Variants in HDAC4 observed in about 807,000 individuals in gnomAD.
HDAC4 encodes histone deacetylase 4, also known as histone deacetylase A.
Under a neutral mutation model 135.1 loss-of-function variants are expected in HDAC4, and 16 were observed. That is an observed-to-expected ratio of 0.12 (90% confidence interval 0.08 to 0.18). The LOEUF is 0.18. Ranked by LOEUF, HDAC4 falls within the 10% of genes least tolerant of loss-of-function variation. The probability of loss-of-function intolerance (pLI) is 1.00; values close to 1 mark genes in which losing one functional copy is unlikely to be tolerated. For missense variants in HDAC4, 1,143 were observed against 1,511.8 expected (o/e 0.76, Z 4.05); for synonymous variants, 685 against 653.4 (o/e 1.05, Z -0.74).
intron 12 of HDAC4, among the ~76,000 whole-genome samples, chr2:239,125,018 C>T (rs1033415187): frequency 1.1e-4 from 16 of 150,038 alleles, no homozygotes; most frequent in Non-Finnish European, 1.9e-4. Context: ...TGTGACATTC[C>T]GGTGTGCCGG....
chr2:239,152,462 G>GA (rs2042174357), intron 7 of HDAC4, among the ~76,000 whole-genome samples: 1 of 152,256 alleles, frequency 6.6e-6, no homozygotes, highest in South Asian at 2.1e-4. Context: ...GAAGACCTCT[G>GA]AAGTGGAGAC....
chr2:239,130,170 C>A (rs2040470387), intron 11 of HDAC4, among the ~76,000 whole-genome samples: 1 of 152,210 alleles, frequency 6.6e-6, no homozygotes, highest in African/African-American at 2.4e-5. Flanking sequence ...CCCAAGGGAA[C>A]AATGTGGGTG....
At position 239,048,953 on chromosome 2, in the gene HDAC4, A is replaced by C. The variant is rs1425346749; in HGVS notation, c.*4144T>G. On this transcript the variant is annotated 3_prime_UTR_variant, in exon 27 of 27. Transcript: ENST00000543185. ...TTCTCAATCAGAATAAACCGTCACAAGGCCAGTGAGGGCGGGCGGCGCTCG... is the reference window on the plus strand; with the variant it reads ...TTCTCAATCAGAATAAACCGTCACACGGCCAGTGAGGGCGGGCGGCGCTCG... 2 of 152,246 alleles carry C rather than the reference A, an allele frequency of 1.3e-5. No homozygotes were observed. Among genetic ancestry groups the C allele is most frequent in the Non-Finnish European group, 2.9e-5 (2 of 68,042 alleles). The allele number at this position is 152,246 out of a possible 1,614,324, so 9.4% of individuals were successfully genotyped here. A position where few individuals can be genotyped will look rare whatever the true frequency, so the allele number is the denominator to read the frequency against.
At chr2:239,372,982 C>T (rs1458639430) in intron 1 of HDAC4, among the ~76,000 whole-genome samples, 1 of 152,186 alleles carries the variant, frequency 6.6e-6, no homozygotes, top group Non-Finnish European at 1.5e-5. Flanking sequence ...AACATTTAGC[C>T]AAGCATTCTC....
chr2:239,305,477 C>T (rs1290613091), intron 2 of HDAC4: 1 of 152,696 alleles, frequency 6.5e-6, no homozygotes, highest in Non-Finnish European at 1.5e-5. Flanking sequence ...GCCCTGCAGG[C>T]ACAGACAGCC....
intron 12 of HDAC4, among the ~76,000 whole-genome samples, chr2:239,117,501 TG>T (rs2039241213): frequency 7.2e-6 from 1 of 139,248 alleles, no homozygotes; most frequent in Admixed American, 7.6e-5. Flanking sequence ...AGAAAAGGGA[TG>T]AATGTGAGCA....
At chr2:239,206,897 A>C (rs1400853903) in intron 3 of HDAC4, among the ~76,000 whole-genome samples, 2 of 152,248 alleles carry the variant, frequency 1.3e-5, no homozygotes, top group Non-Finnish European at 2.9e-5. Flanking sequence ...TCATCAATGC[A>C]GTAAAAGAGT....
intron 2 of HDAC4, among the ~76,000 whole-genome samples, chr2:239,247,836 G>A (rs1053554036): frequency 3.9e-5 from 6 of 152,222 alleles, no homozygotes; most frequent in Admixed American, 3.9e-4. Context: ...CTGGAGCGAG[G>A]TGGAGAACGG....
intron 2 of HDAC4, among the ~76,000 whole-genome samples, chr2:239,248,081 G>A (rs1422377619): frequency 6.6e-6 from 1 of 152,196 alleles, no homozygotes; most frequent in Non-Finnish European, 1.5e-5. Context: ...GACCCTGCCA[G>A]CAGCTACCCA....
Position 239,262,159 on chromosome 2 carries a change from C to G in HDAC4, c.23-25495G>C, listed in dbSNP as rs2049412271. Among the ~76,000 whole-genome samples the G allele has an allele frequency of 6.6e-6, 1 of 152,150 alleles. No individual in the cohort carries two copies. The highest frequency in any genetic ancestry group is 1.5e-5 in the Non-Finnish European group (1 of 68,028). On this transcript the variant is annotated intron_variant, in intron 2 of 26. Coordinates refer to ENST00000543185, the MANE Select transcript of HDAC4 (RefSeq NM_001378414.1). This position sits in a 1 kb window ranked among gnomAD's most constrained non-coding sequence, Gnocchi z 4.1. ...CTCACCCCAAGGCCCAAGAAGGAGC[C>G]ACGGTCCACTGAGACCCACGACAAG...
chr2:239,220,222 G>T (rs928972440), intron 3 of HDAC4, among the ~76,000 whole-genome samples: 18 of 152,150 alleles, frequency 1.2e-4, no homozygotes, highest in African/African-American at 4.3e-4. Context: ...TCTCTTAAAC[G>T]CTTCAAATTC....
At position 239,082,289 on chromosome 2, in the gene HDAC4, G is replaced by A. The variant is rs148127418; in HGVS notation, c.2533-68C>T. The A allele has an allele frequency of 0.015, 23,180 of 1,594,764 alleles. 222 individuals are homozygous for A. Among genetic ancestry groups the A allele is most frequent in the Non-Finnish European group, 0.017 (20,193 of 1,163,252 alleles). On this transcript the variant is annotated intron_variant, in intron 20 of 26. Coordinates refer to ENST00000543185, the MANE Select transcript of HDAC4 (RefSeq NM_001378414.1). ...TGGAGGGTGGCCTCCCCTGAGGGCC[G>A]TCCCCAACCCCAGTTGTGCTTAGTG... is the stretch of plus-strand genomic sequence containing the variant.
intron 3 of HDAC4, among the ~76,000 whole-genome samples, chr2:239,205,686 AGAGGAG>A (rs142632861): frequency 1.4e-3 from 205 of 151,708 alleles, no homozygotes; most frequent in African/African-American, 4.8e-3. Context: ...AGAAGAAGGA[AGAGGAG>A]GAGGAGGAGG....
chr2:239,137,968 C>A (rs1194581164), intron 9 of HDAC4, among the ~76,000 whole-genome samples: 2 of 152,130 alleles, frequency 1.3e-5, no homozygotes, highest in African/African-American at 4.8e-5. Context: ...ATGATGCAGA[C>A]CCACCCAAAC....
At chr2:239,343,046 A>G (rs567870047) in intron 2 of HDAC4, among the ~76,000 whole-genome samples, 44 of 152,330 alleles carry the variant, frequency 2.9e-4, no homozygotes, top group Non-Finnish European at 7.4e-5. Flanking sequence ...ATCCCCACCA[A>G]TGCGTATCAC....
At chr2:239,219,198 A>G (rs1382184816) in intron 3 of HDAC4, among the ~76,000 whole-genome samples, 2 of 151,226 alleles carry the variant, frequency 1.3e-5, no homozygotes, top group Non-Finnish European at 2.9e-5. Flanking sequence ...TATTCACAAT[A>G]GCAAAGACTT....
At position 239,207,450 on chromosome 2, in the gene HDAC4, C is replaced by G. The variant is rs562536745; in HGVS notation, c.95-17373G>C. Reference sequence around the variant, plus strand: ...ACCAAAATAATTTTAAAAAGTGATTCTCTCAAAAGACCAATACAAGACAAA... The same window carrying G: ...ACCAAAATAATTTTAAAAAGTGATTGTCTCAAAAGACCAATACAAGACAAA... On this transcript the variant is annotated intron_variant, in intron 3 of 26. Coordinates refer to ENST00000543185, the MANE Select transcript of HDAC4 (RefSeq NM_001378414.1). Among the ~76,000 whole-genome samples the G allele has an allele frequency of 1.6e-3, 241 of 152,228 alleles. 6 individuals carry two copies. Among genetic ancestry groups the G allele is most frequent in the Non-Finnish European group, 2.5e-4 (17 of 68,020 alleles).
At chr2:239,184,925 G>A (rs1202941233) in intron 4 of HDAC4, among the ~76,000 whole-genome samples, 1 of 129,950 alleles carries the variant, frequency 7.7e-6, no homozygotes, top group Non-Finnish European at 1.7e-5. Context: ...TCCTATGGTG[G>A]GGGGTCCCTC....
At chr2:239,269,243 CTA>C (rs1476158157) in intron 2 of HDAC4, among the ~76,000 whole-genome samples, 1 of 150,258 alleles carries the variant, frequency 6.7e-6, no homozygotes, top group Non-Finnish European at 1.5e-5. Flanking sequence ...ATTCACACAT[CTA>C]CACACATTCA....
Sources: allele counts gnomAD v4.1 joint callset (sites outside exome capture counted in the v4.1 genomes callset), GRCh38; gene constraint gnomAD v4.1.1; non-coding constraint Gnocchi (gnomAD v3.1); transcripts MANE v1.5; gene names NCBI Gene and HGNC (gene_info 2026-07-23, HGNC 2026-07-21).